ADGRV1: variants seen among roughly 807,000 people sequenced by gnomAD.
ADGRV1 encodes adhesion G protein-coupled receptor V1, also known as G-protein coupled receptor 98.
In ADGRV1, 359 loss-of-function variants were observed where a neutral mutation model predicts 596.2. The ratio of observed to expected loss-of-function variants is 0.60; its 90% CI spans 0.55 to 0.66. The LOEUF (loss-of-function observed/expected upper bound fraction) is 0.66, where lower values mean the gene tolerates loss of function less well. Among genes scored for constraint, ADGRV1 ranks in the 30% least tolerant of loss-of-function variants. The probability of loss-of-function intolerance (pLI) is 0.00; values close to 1 mark genes in which losing one functional copy is unlikely to be tolerated. For synonymous variants in ADGRV1, 2,681 were observed against 2,679.2 expected, an observed-to-expected ratio of 1.00 and a Z score of -0.02; for missense variants, 7,274 against 7,575.6, an observed-to-expected ratio of 0.96 and a Z score of 1.48.
rs1391656621 is a variant in ADGRV1, at chr5:90,753,533, A to T, written c.11122-41A>T. ...TAAAATATTCTTACTACATAGTGAC[A>T]ATTACAAAATAAATAACATCTTCTT... On this transcript the variant is annotated intron_variant, in intron 53 of 89. Transcript: ENST00000405460. The T allele has an allele frequency of 3.4e-6, 5 of 1,453,662 alleles. No individual in the cohort carries two copies. The South Asian group carries it at 6.0e-5, about 18-fold the overall frequency. 90.0% of individuals were successfully genotyped at this position (1,453,662 alleles called of 1,614,324 possible).
chr5:90,611,494 G>A (rs1762725271), intron 1 of ADGRV1, among the ~76,000 whole-genome samples: 1 of 151,940 alleles, frequency 6.6e-6, no homozygotes, highest in African/African-American at 2.4e-5. Context: ...TGAGAGGTGG[G>A]AGAAGAACAT....
At chr5:91,052,686 G>A (rs1311089471) in intron 85 of ADGRV1, among the ~76,000 whole-genome samples, 2 of 151,956 alleles carry the variant, frequency 1.3e-5, no homozygotes, top group Non-Finnish European at 1.5e-5. Flanking sequence ...CACCCGCCTT[G>A]GCCTCCCAAA....
rs1767202222 is a variant in ADGRV1, at chr5:90,643,047, G to A, written c.2553+6G>A. Reference sequence around the variant, plus strand: ...GATTGGATGGGATACCAGAGGTATGGGATTTTATATTTTCTTTGTGTTTCT... The same window carrying A: ...GATTGGATGGGATACCAGAGGTATGAGATTTTATATTTTCTTTGTGTTTCT... On this transcript the variant is annotated splice_donor_region_variant and intron_variant, in intron 13 of 89. Transcript: ENST00000405460. 1 of 1,606,924 alleles carries A rather than the reference G, an allele frequency of 6.2e-7. No individual in the cohort carries two copies. The highest frequency in any genetic ancestry group is 8.5e-7 in the Non-Finnish European group (1 of 1,174,282).
At chr5:91,034,075 C>G (rs1485704118) in intron 85 of ADGRV1, among the ~76,000 whole-genome samples, 1 of 151,932 alleles carries the variant, frequency 6.6e-6, no homozygotes, top group South Asian at 2.1e-4. Context: ...TGTGATAACC[C>G]GATTTTTTCT....
chr5:91,081,025 G>T (rs1205012054), intron 86 of ADGRV1, among the ~76,000 whole-genome samples: 4 of 151,884 alleles, frequency 2.6e-5, no homozygotes, highest in Non-Finnish European at 5.9e-5. Context: ...CCATAGACTG[G>T]GTGTCCTAAA....
chr5:90,734,899 A>G (rs1000740657), intron 50 of ADGRV1, among the ~76,000 whole-genome samples: 1 of 152,120 alleles, frequency 6.6e-6, no homozygotes, highest in African/African-American at 2.4e-5. Context: ...CTATTGAGTT[A>G]TTTGAGTTTC....
intron 52 of ADGRV1, among the ~76,000 whole-genome samples, chr5:90,750,019 G>A (rs1204532987): frequency 1.3e-5 from 2 of 152,150 alleles, no homozygotes; most frequent in Non-Finnish European, 2.9e-5. Context: ...AGAGACATTT[G>A]CCAGTGATCA....
chr5:90,805,978 C>A (rs776550383), intron 72 of ADGRV1, among the ~76,000 whole-genome samples: 6 of 152,112 alleles, frequency 3.9e-5, no homozygotes, highest in Non-Finnish European at 7.3e-5. Context: ...ATAAAGAACC[C>A]TCCAGTGGGC....
Position 90,697,041 on chromosome 5 carries a change from AT to A in ADGRV1, c.8054del (p.Leu2685CysfsTer9). ...GGTGTACACTGAAGGTGGAAGTAGAATTTTGCCAAGCTCCGACACTGTTAGA... is the reference window on the plus strand; with the variant it reads ...GGTGTACACTGAAGGTGGAAGTAGAATTTGCCAAGCTCCGACACTGTTAGA... The part of the protein sequence containing the change: ...SLVYTEGGSR[I>X]LPSSDTVRVN... On this transcript the variant is annotated frameshift_variant, in exon 34 of 90. Coordinates refer to ENST00000405460, the MANE Select transcript of ADGRV1 (RefSeq NM_032119.4). LOFTEE classifies it high-confidence loss of function. The A allele has an allele frequency of 1.2e-6, 2 of 1,613,424 alleles. No homozygotes were observed. Among genetic ancestry groups the A allele is most frequent in the Non-Finnish European group, 1.7e-6 (2 of 1,179,490 alleles).
intron 85 of ADGRV1, among the ~76,000 whole-genome samples, chr5:91,039,642 G>A (rs916327570): frequency 9.9e-5 from 15 of 152,168 alleles, no homozygotes; most frequent in African/African-American, 3.4e-4. Context: ...GTCCACTTCC[G>A]ATAAGTAAAT....
intron 4 of ADGRV1, among the ~76,000 whole-genome samples, 188 bp from the exon 5 acceptor site, chr5:90,622,409 A>G (rs560785321): frequency 7.2e-4 from 109 of 152,302 alleles, no homozygotes; most frequent in African/African-American, 2.6e-3. Flanking sequence ...TTCCCTTTAC[A>G]CTATTCTTTT....
chr5:90,651,551 T>A (rs1010249070), intron 17 of ADGRV1, 53 bp from the exon 18 acceptor site: 64 of 1,359,218 alleles, frequency 4.7e-5, no homozygotes, highest in Non-Finnish European at 6.3e-5. Flanking sequence ...GTATAAATTT[T>A]ACAGCAAGTT....
intron 11 of ADGRV1, among the ~76,000 whole-genome samples, chr5:90,640,034 G>A (rs531868328): frequency 1.3e-5 from 2 of 152,116 alleles, no homozygotes; most frequent in Admixed American, 6.6e-5. Context: ...CAAATAACAT[G>A]CTGGTTAAAA....
chr5:90,744,958 G>T (rs1754438269), intron 50 of ADGRV1, 88 bp from the exon 51 acceptor site: 3 of 834,226 alleles, frequency 3.6e-6, no homozygotes, highest in Non-Finnish European at 5.9e-6. Context: ...TTGAGATTTT[G>T]GAAGATTTTG....
intron 1 of ADGRV1, among the ~76,000 whole-genome samples, chr5:90,590,987 G>A (rs1431096038): frequency 6.6e-6 from 1 of 152,120 alleles, no homozygotes; most frequent in South Asian, 2.1e-4. Flanking sequence ...CATAGTAGGT[G>A]TATAATTTAT....
chr5:90,999,576 A>G (rs1581750962), intron 85 of ADGRV1, among the ~76,000 whole-genome samples: 1 of 152,072 alleles, frequency 6.6e-6, no homozygotes, highest in Admixed American at 6.6e-5. Flanking sequence ...CAGAGTTGTA[A>G]TGATAGAGAT....
chr5:90,721,452 C>T (rs1014915907), intron 45 of ADGRV1, among the ~76,000 whole-genome samples: 4 of 149,740 alleles, frequency 2.7e-5, no homozygotes, highest in African/African-American at 4.9e-5. Context: ...TGCAGTGAGC[C>T]GAGATCGTGC....
At chr5:90,656,245 A>G (rs975452122) in intron 20 of ADGRV1, among the ~76,000 whole-genome samples, 5 of 152,346 alleles carry the variant, frequency 3.3e-5, no homozygotes, top group African/African-American at 1.2e-4. Flanking sequence ...CATTTTCCAT[A>G]CATTACCTAA....
chr5:91,153,143 T>C, intron 88 of ADGRV1, 78 bp from the exon 89 acceptor site: 1 of 1,194,470 alleles, frequency 8.4e-7, no homozygotes, highest in South Asian at 1.3e-5. Context: ...CAGAGATCAA[T>C]TGTCCATTTG....
Sources: gnomAD v4.1 joint callset for allele counts (sites outside exome capture counted in the v4.1 genomes callset) on GRCh38, gnomAD v4.1.1 for gene constraint, MANE v1.5 for transcripts, NCBI Gene and HGNC (gene_info 2026-07-23, HGNC 2026-07-21) for gene names.